Variants in DCAKD observed in about 807,000 individuals in gnomAD.
DCAKD encodes dephospho-CoA kinase domain containing.
DCAKD carries 15 observed loss-of-function variants against 18.7 expected under a neutral mutation model. The observed-to-expected ratio is 0.80, with a 90% CI of 0.54 to 1.24. The LOEUF is 1.24. Among genes scored for constraint, DCAKD ranks in the 50% most tolerant of loss-of-function variants. The pLI is 0.00. For synonymous variants in DCAKD, 130 were observed against 133.0 expected (o/e 0.98, Z 0.16); for missense variants, 301 against 322.0 (o/e 0.93, Z 0.50).
chr17:45,032,781 CAAA>C (rs552915127), intron 3 of DCAKD, among the ~76,000 whole-genome samples: 1 of 138,474 alleles, frequency 7.2e-6, no homozygotes, highest in Admixed American at 7.2e-5. Context: ...GACTCCATCT[CAAA>C]AAAAAAAAAA....
chr17:45,030,310 C>A (rs1701068027), intron 3 of DCAKD, 131 bp from the exon 4 acceptor site: 1 of 753,874 alleles, frequency 1.3e-6, no homozygotes, highest in African/African-American at 1.7e-5. Flanking sequence ...ATACCCTGCA[C>A]ACTGGCCGGT....
At chr17:45,040,841 C>T (rs1008689022) in intron 1 of DCAKD, among the ~76,000 whole-genome samples, 5 of 152,138 alleles carry the variant, frequency 3.3e-5, no homozygotes, top group Admixed American at 6.5e-5. Flanking sequence ...TCTTTTGCAT[C>T]GGGTGTCTCC....
intron 1 of DCAKD, among the ~76,000 whole-genome samples, chr17:45,046,443 C>T (rs1310883688): frequency 1.3e-5 from 2 of 151,892 alleles, no homozygotes; most frequent in African/African-American, 2.4e-5. Context: ...TGGTGAAACC[C>T]CATCTCTACT....
chr17:45,028,830 A>G (rs1350337031), intron 4 of DCAKD, among the ~76,000 whole-genome samples: 1 of 151,672 alleles, frequency 6.6e-6, no homozygotes, highest in African/African-American at 2.4e-5. Flanking sequence ...TCAGCCTCCC[A>G]AGCGGCTGAG....
upstream of DCAKD, among the ~76,000 whole-genome samples, chr17:45,052,496 A>G (rs893807936): frequency 3.9e-5 from 6 of 152,078 alleles, no homozygotes; most frequent in Admixed American, 1.3e-4. Context: ...CTGTCCATAC[A>G]AGCCTAGCAA....
At chr17:45,031,505 A>G in intron 3 of DCAKD, 1 of 975,438 alleles carries the variant, frequency 1.0e-6, no homozygotes, top group Non-Finnish European at 1.2e-6. Flanking sequence ...ACCATGCAGT[A>G]CTACTCCTTC....
rs1054759071 is a variant in DCAKD at position 45,034,228 on chromosome 17, C to A, written c.275G>T (p.Arg92Leu). 2.5e-6 allele frequency: 4 copies of A among 1,613,938 alleles called. No homozygotes were observed. Among genetic ancestry groups the A allele is most frequent in the South Asian group, 1.1e-5 (1 of 91,062 alleles). ...LLNAITHPEIRKEMMKETFKY... is the reference protein window; with the variant it reads ...LLNAITHPEILKEMMKETFKY... ...GAACGTCTCCTTCATCATCTCCTTG[C>A]GAATCTCGGGGTGGGTGATGGCGTT... is the stretch of plus-strand genomic sequence containing the variant. Residue 92 changes from arginine (R) to leucine (L), a missense_variant, in exon 3 of 5, where the codon CGC (arginine) becomes CTC (leucine). Physicochemically the swap from Arg to Leu is moderately radical, Grantham distance 102. Transcript: ENST00000651974.
chr17:45,052,481 G>T (rs1013725833), upstream of DCAKD, among the ~76,000 whole-genome samples: 4 of 152,058 alleles, frequency 2.6e-5, no homozygotes, highest in African/African-American at 9.7e-5. Context: ...TGCAGAGCCC[G>T]CATCCTGTCC....
upstream of DCAKD, among the ~76,000 whole-genome samples, chr17:45,052,117 G>T (rs1463542619): frequency 2.0e-5 from 3 of 151,686 alleles, no homozygotes. Context: ...GGACGCGGGA[G>T]AGGCCGGCGG....
At chr17:45,028,585 T>C (rs1436056204) in intron 4 of DCAKD, among the ~76,000 whole-genome samples, 1 of 151,662 alleles carries the variant, frequency 6.6e-6, no homozygotes, top group East Asian at 1.9e-4. Context: ...AATTTTTGTA[T>C]TTTTAGTAGA....
upstream of DCAKD, among the ~76,000 whole-genome samples, chr17:45,055,668 A>C (rs547771884): frequency 8.5e-5 from 13 of 152,146 alleles, no homozygotes; most frequent in Admixed American, 5.2e-4. Context: ...ACATTCAGCT[A>C]AGCCACCATG....
intron 1 of DCAKD, among the ~76,000 whole-genome samples, chr17:45,060,593 AC>A (rs2053839417): frequency 6.6e-6 from 1 of 152,260 alleles, no homozygotes; most frequent in South Asian, 2.1e-4. Flanking sequence ...TAAAGGGACC[AC>A]GTGTGCGCGA....
intron 4 of DCAKD, among the ~76,000 whole-genome samples, chr17:45,025,684 G>A (rs1432791469): frequency 1.3e-5 from 2 of 151,744 alleles, no homozygotes; most frequent in Non-Finnish European, 2.9e-5. Flanking sequence ...GCCTTGTCAC[G>A]AGGCCTGAGT....
rs968139160 is a variant in DCAKD at position 45,048,922 on chromosome 17, G to GA, written c.-115+2438dup. ...TTCCTAATAATCTTGCTTTCATTTG[G>GA]AAAAAAAAAATTGGCTGAGCATGGT... On this transcript the variant is annotated intron_variant, in intron 1 of 4. Transcript: ENST00000651974. 5.1e-4 allele frequency among the ~76,000 whole-genome samples: 76 copies of GA among 149,354 alleles called. No homozygotes were observed. In the Middle Eastern group the frequency reaches 0.01, roughly 20 times the overall value.
chr17:45,030,923 A>G, intron 3 of DCAKD: 1 of 966,598 alleles, frequency 1.0e-6, no homozygotes, highest in Non-Finnish European at 1.2e-6. Context: ...AAGGCCAGTC[A>G]AGGGCAGCAC....
At chr17:45,057,181 C>T (rs1470926697) in intron 1 of DCAKD, among the ~76,000 whole-genome samples, 1 of 152,096 alleles carries the variant, frequency 6.6e-6, no homozygotes, top group East Asian at 1.9e-4. Context: ...GTAGCTAGAA[C>T]CATAGGTGCA....
Position 45,026,857 on chromosome 17 carries a change from T to TG in DCAKD, c.405-2134dup, listed in dbSNP as rs966217977. ...ATCTAGTGTGAGATTAGAGATGGCC[T>TG]GGGGCTCCCAGTAGGTGCACATCCT... On this transcript the variant is annotated intron_variant, in intron 4 of 4. Transcript: ENST00000651974. 11 of 982,934 alleles carry TG rather than the reference T, an allele frequency of 1.1e-5. No individual in the cohort carries two copies. The African/African-American group carries it at 1.9e-4, about 17-fold the overall frequency. 60.9% of individuals were successfully genotyped at this position (982,934 alleles called of 1,614,324 possible). A position where few individuals can be genotyped will look rare whatever the true frequency, so the allele number is the denominator to read the frequency against.
At chr17:45,044,350 C>T (rs1197100748) in intron 1 of DCAKD, among the ~76,000 whole-genome samples, 5 of 152,160 alleles carry the variant, frequency 3.3e-5, no homozygotes, top group African/African-American at 1.2e-4. Context: ...CAGGTCCTGT[C>T]CCGCTGAACC....
intron 1 of DCAKD, among the ~76,000 whole-genome samples, chr17:45,046,280 T>G (rs893606047): frequency 1.3e-5 from 2 of 151,588 alleles, no homozygotes; most frequent in African/African-American, 2.4e-5. Flanking sequence ...GGAACTAGAG[T>G]GTAAGAGCAG....
Sources: gnomAD v4.1 joint callset for allele counts (sites outside exome capture counted in the v4.1 genomes callset) on GRCh38, gnomAD v4.1.1 for gene constraint, MANE v1.5 for transcripts, NCBI Gene and HGNC (gene_info 2026-07-23, HGNC 2026-07-21) for gene names.